The following COP1 variants were observed in gnomAD, a reference collection of about 807,000 sequenced individuals.
COP1 encodes E3 ubiquitin-protein ligase COP1.
COP1 carries 24 observed loss-of-function variants against 101.3 expected under a neutral mutation model. That is an observed-to-expected ratio of 0.24 (90% CI 0.17 to 0.33). The LOEUF is 0.33. Ranked by LOEUF, COP1 falls within the 10% of genes least tolerant of loss-of-function variation. The pLI is 1.00. For synonymous variants in COP1, 347 were observed against 341.9 expected, an observed-to-expected ratio of 1.01 and a Z score of -0.17; for missense variants, 663 against 906.2, an observed-to-expected ratio of 0.73 and a Z score of 3.45.
chr1:175,947,370 A>ATTTT (rs34272809), intron 18 of COP1, 131 bp from the exon 19 acceptor site: 72 of 490,226 alleles, frequency 1.5e-4, no homozygotes, highest in Admixed American at 2.0e-4. Context: ...TGAAGATACA[A>ATTTT]TTTTTTTTTT....
chr1:176,147,583 A>G (rs551370603), intron 6 of COP1, among the ~76,000 whole-genome samples: 1 of 152,342 alleles, frequency 6.6e-6, no homozygotes, highest in South Asian at 2.1e-4. Flanking sequence ...AATATGGTCC[A>G]AGAGAAAAGA....
At chr1:176,000,074 T>G (rs1173534653) in intron 15 of COP1, among the ~76,000 whole-genome samples, 2 of 152,116 alleles carry the variant, frequency 1.3e-5, no homozygotes, top group Non-Finnish European at 2.9e-5. Context: ...CTGCACTTTG[T>G]TGACTGTTGC....
intron 1 of COP1, among the ~76,000 whole-genome samples, chr1:176,205,352 C>T (rs979640674): frequency 6.6e-6 from 1 of 152,076 alleles, no homozygotes; most frequent in African/African-American, 2.4e-5. Context: ...GAATAACGTA[C>T]AAAAAAGCAG....
intron 11 of COP1, among the ~76,000 whole-genome samples, chr1:176,070,456 G>A (rs1676781067): frequency 6.6e-6 from 1 of 151,818 alleles, no homozygotes; most frequent in African/African-American, 2.4e-5. Context: ...GAGGTCAGGA[G>A]TTCGAGACCA....
chr1:175,972,829 G>A lies in COP1; in HGVS notation c.2133+14114C>T, dbSNP rs535345816. On this transcript the variant is annotated intron_variant, in intron 18 of 19. Transcript: ENST00000367669. The stretch of plus-strand genomic sequence containing the variant: ...GCTCATTGAGAATAACTGCACATAA[G>A]CCTTATTTATTTAATTTTTTGAGAC... 1.1e-4 allele frequency among the ~76,000 whole-genome samples: 16 copies of A among 152,122 alleles called. No individual in the cohort carries two copies. In the South Asian group the frequency reaches 3.3e-3, roughly 32 times the overall value.
chr1:175,946,466 C>T (rs1232946848), intron 19 of COP1, among the ~76,000 whole-genome samples: 1 of 152,196 alleles, frequency 6.6e-6, no homozygotes, highest in Non-Finnish European at 1.5e-5. Flanking sequence ...TGTTAAAAAA[C>T]TTTCAATATT....
At chr1:176,016,777 TAAAAC>T (rs768849330) in intron 15 of COP1, among the ~76,000 whole-genome samples, 4 of 152,106 alleles carry the variant, frequency 2.6e-5, no homozygotes, top group South Asian at 2.1e-4. Context: ...ATCCAGGTGA[TAAAAC>T]AAAGGTAAAT....
chr1:176,122,004 G>A (rs909856094), intron 8 of COP1, among the ~76,000 whole-genome samples: 3 of 151,950 alleles, frequency 2.0e-5, no homozygotes, highest in African/African-American at 7.3e-5. Flanking sequence ...GCCGGGCATG[G>A]TGGCGGGCGC....
At chr1:176,126,917 T>A (rs1342586015) in intron 8 of COP1, among the ~76,000 whole-genome samples, 1 of 152,228 alleles carries the variant, frequency 6.6e-6, no homozygotes, top group Non-Finnish European at 1.5e-5. Flanking sequence ...GTTTTATAAT[T>A]TTAAATTATT....
At chr1:176,006,972 A>G (rs1244563459) in intron 15 of COP1, among the ~76,000 whole-genome samples, 1 of 151,992 alleles carries the variant, frequency 6.6e-6, no homozygotes, top group Non-Finnish European at 1.5e-5. Flanking sequence ...TCTCCCCATC[A>G]CTTTCAGGTA....
chr1:176,159,331 T>G (rs1373394358), intron 5 of COP1, among the ~76,000 whole-genome samples: 1 of 152,088 alleles, frequency 6.6e-6, no homozygotes. Flanking sequence ...ATTACAGAAA[T>G]GTATTTTTAA....
intron 3 of COP1, among the ~76,000 whole-genome samples, chr1:176,175,347 TCCC>T (rs1456854075): frequency 4.6e-5 from 7 of 152,176 alleles, no homozygotes; most frequent in Admixed American, 4.6e-4. Flanking sequence ...ACATCAGCAG[TCCC>T]CAACCTTTTT....
At chr1:176,109,349 T>G (rs544642256) in intron 9 of COP1, among the ~76,000 whole-genome samples, 46 of 152,316 alleles carry the variant, frequency 3.0e-4, no homozygotes, top group African/African-American at 1.0e-3. Flanking sequence ...TTCCTTCAAA[T>G]AGTTTCCCAT....
intron 9 of COP1, among the ~76,000 whole-genome samples, chr1:176,103,857 G>A (rs975848800): frequency 6.6e-6 from 1 of 152,108 alleles, no homozygotes; most frequent in Non-Finnish European, 1.5e-5. Flanking sequence ...TTCTCCCTGA[G>A]ATAATTGGTA....
intron 15 of COP1, among the ~76,000 whole-genome samples, chr1:176,009,624 A>G (rs1664251658): frequency 6.6e-6 from 1 of 152,218 alleles, no homozygotes; most frequent in African/African-American, 2.4e-5. Flanking sequence ...TGGAGTACTC[A>G]TAACCAGTTT....
chr1:176,202,696 A>C (rs2102289879), intron 1 of COP1, among the ~76,000 whole-genome samples: 1 of 152,154 alleles, frequency 6.6e-6, no homozygotes, highest in Non-Finnish European at 1.5e-5. Flanking sequence ...ATTGGAAACC[A>C]GTTATATTAA....
In COP1 at chr1:175,997,666, T is replaced by C. The variant is rs527657526; in HGVS notation, c.1730-8187A>G. ...TGAAAAAATGCTCATCATCACTGGC[T>C]ATCAGAGAAATGTAAATCAAAACCA... On this transcript the variant is annotated intron_variant, in intron 15 of 19. Transcript: ENST00000367669. Among the ~76,000 whole-genome samples the C allele has an allele frequency of 7.9e-5, 12 of 152,224 alleles. No homozygotes were observed. The South Asian group carries it at 8.3e-4, about 11-fold the overall frequency.
At chr1:176,135,129 G>T (rs1689593159) in intron 7 of COP1, 43 bp from the exon 8 acceptor site, 3 of 1,290,526 alleles carry the variant, frequency 2.3e-6, no homozygotes, top group Non-Finnish European at 2.2e-6. Flanking sequence ...ATTTCAAATA[G>T]AAGATATATA....
At chr1:176,001,808 T>G (rs1397356743) in intron 15 of COP1, among the ~76,000 whole-genome samples, 1 of 152,132 alleles carries the variant, frequency 6.6e-6, no homozygotes, top group East Asian at 1.9e-4. Flanking sequence ...CTCACTCGGT[T>G]TATCTGGGAA....
Sources: allele counts gnomAD v4.1 joint callset (sites outside exome capture counted in the v4.1 genomes callset), GRCh38; gene constraint gnomAD v4.1.1; transcripts MANE v1.5; gene names NCBI Gene and HGNC (gene_info 2026-07-23, HGNC 2026-07-21).